The following CACNA1B variants were observed in gnomAD, a reference collection of about 807,000 sequenced individuals.
CACNA1B encodes voltage-dependent N-type calcium channel subunit alpha-1B.
Under a neutral mutation model 247.2 loss-of-function variants are expected in CACNA1B, and 70 were observed. That is an observed-to-expected ratio of 0.28 (90% confidence interval 0.23 to 0.35). CACNA1B has a LOEUF of 0.35. CACNA1B is among the 10% of genes least tolerant of loss of function. The pLI, the probability that CACNA1B is intolerant of heterozygous loss-of-function variation, is 1.00. For missense variants in CACNA1B, 2,367 were observed against 3,197.4 expected (o/e 0.74, Z 6.26); for synonymous variants, 1,231 against 1,294.4 (o/e 0.95, Z 1.05).
rs118183179 is a variant in CACNA1B at position 137,969,029 on chromosome 9, A to G, written c.1334-2354A>G. On this transcript the variant is annotated intron_variant, in intron 10 of 46. Transcript: ENST00000371372. ...CCAGAGATGTTTCCGCGTTTCCTGT[A>G]GACTCTCTGCTTTTACTGGAGCAGA... Among the ~76,000 whole-genome samples the G allele has an allele frequency of 3.1e-4, 47 of 152,350 alleles. No individual in the cohort carries two copies. The East Asian group carries it at 8.9e-3, about 29-fold the overall frequency.
chr9:137,966,741 T>C (rs1213739118), intron 10 of CACNA1B, among the ~76,000 whole-genome samples: 4 of 152,010 alleles, frequency 2.6e-5, no homozygotes, highest in East Asian at 3.9e-4. Context: ...AGTTTCACCA[T>C]GTTAGCCAGG....
chr9:138,036,711 T>C (rs1959051477), intron 20 of CACNA1B, among the ~76,000 whole-genome samples: 1 of 152,186 alleles, frequency 6.6e-6, no homozygotes, highest in African/African-American at 2.4e-5. Flanking sequence ...TTGTGGAAAA[T>C]TGAAACATAC....
rs903608522 is a variant in CACNA1B, at chr9:137,882,024, G to A, written c.391-720G>A. On this transcript the variant is annotated intron_variant, in intron 2 of 46. Transcript: ENST00000371372. This position sits in a 1 kb window ranked among gnomAD's most constrained non-coding sequence, Gnocchi z 4.0. ...CAGCTTCAGGCTCAGACTGTGGCTG[G>A]CTGCCTCCAGGGTCCTCACAGATGT... Among the ~76,000 whole-genome samples the A allele has an allele frequency of 3.3e-5, 5 of 152,242 alleles. No individual in the cohort carries two copies. The highest frequency in any genetic ancestry group is 6.5e-5 in the Admixed American group (1 of 15,286).
Position 137,899,671 on chromosome 9 carries a change from A to G in CACNA1B, c.531-13509A>G, listed in dbSNP as rs1957210197. On this transcript the variant is annotated intron_variant, in intron 3 of 46. Coordinates refer to ENST00000371372, the MANE Select transcript of CACNA1B (RefSeq NM_000718.4). This position sits in a 1 kb window ranked among gnomAD's most constrained non-coding sequence, Gnocchi z 5.0. ...GGCTCTCTCCATGGCAACTGCAAGC[A>G]GGCTTCTGGGTGAGAACCAGTGCCT... is the stretch of plus-strand genomic sequence containing the variant. Among the ~76,000 whole-genome samples, 1 of 152,196 alleles carries G rather than the reference A, an allele frequency of 6.6e-6. No homozygotes were observed. The highest frequency in any genetic ancestry group is 2.4e-5 in the African/African-American group (1 of 41,452).
intron 1 of CACNA1B, among the ~76,000 whole-genome samples, chr9:137,878,771 G>T (rs1956873221): frequency 6.6e-6 from 1 of 152,170 alleles, no homozygotes; most frequent in Non-Finnish European, 1.5e-5. Context: ...CTGGAGTCGG[G>T]CGGAGCCGGG....
In CACNA1B at chr9:138,120,764, G is replaced by A. The variant is rs1341233872; in HGVS notation, c.6372G>A (p.Lys2124=). ...RRQPSSSSSE[K]QRFYSCDRFG... is the part of the protein sequence containing the mutation. ...AGCCCTCATCCTCCTCCTCGGAGAA[G>A]CAGCGCTTCTACTCCTGCGACCGCT... Residue 2124 remains lysine (K), a synonymous_variant, in exon 46 of 47, where the codon AAG becomes AAA. Transcript: ENST00000371372. 25 of 1,550,540 alleles carry A rather than the reference G, an allele frequency of 1.6e-5. No homozygotes were observed. Among genetic ancestry groups the A allele is most frequent in the Non-Finnish European group, 2.0e-5 (23 of 1,147,862 alleles).
At chr9:138,107,218 TTTTATTTATTTATTTA>T (rs56043117) in intron 39 of CACNA1B, among the ~76,000 whole-genome samples, 5 of 135,788 alleles carry the variant, frequency 3.7e-5, no homozygotes, top group East Asian at 2.2e-4. Context: ...AATCATCTTA[TTTTATTTATTTATTTA>T]TTTATTTATT....
chr9:138,067,510 A>G (rs759132035), intron 31 of CACNA1B, among the ~76,000 whole-genome samples: 2 of 152,188 alleles, frequency 1.3e-5, no homozygotes, highest in Non-Finnish European at 2.9e-5. Flanking sequence ...AGACGAGTGG[A>G]TAACATTGTG....
At chr9:138,091,205 AT>A (rs1960867272) in intron 36 of CACNA1B, among the ~76,000 whole-genome samples, 1 of 152,234 alleles carries the variant, frequency 6.6e-6, no homozygotes, top group Non-Finnish European at 1.5e-5. Flanking sequence ...CTATTTAGCC[AT>A]AAAAAGAATG....
rs1959423521 is a variant in CACNA1B, at chr9:138,054,563, T to C, written c.3968+557T>C. 6.6e-6 allele frequency among the ~76,000 whole-genome samples: 1 copy of C among 152,270 alleles called. No homozygotes were observed. The highest frequency in any genetic ancestry group is 1.5e-5 in the Non-Finnish European group (1 of 68,052). ...CACGCGGCAGCGTCCCAGCTGCTTC[T>C]GTGTGAATATCATGCAGCTTCCTCC... On this transcript the variant is annotated intron_variant, in intron 26 of 46. Coordinates refer to ENST00000371372, the MANE Select transcript of CACNA1B (RefSeq NM_000718.4). This position sits in a 1 kb window ranked among gnomAD's most constrained non-coding sequence, Gnocchi z 4.6.
rs1958760474 is a variant in CACNA1B, at chr9:138,014,082, C to T, written c.2267+847C>T. Among the ~76,000 whole-genome samples the T allele has an allele frequency of 6.6e-6, 1 of 152,240 alleles. No individual in the cohort carries two copies. Among genetic ancestry groups the T allele is most frequent in the South Asian group, 2.1e-4 (1 of 4,830 alleles). ...CACGGAACACAGGGCCGGGTGCAGC[C>T]ACAGGTGCATCTGTAGTGACGTGTG... is the stretch of plus-strand genomic sequence containing the variant. On this transcript the variant is annotated intron_variant, in intron 18 of 46. Coordinates refer to ENST00000371372, the MANE Select transcript of CACNA1B (RefSeq NM_000718.4). The surrounding 1 kb of genome is among the most constrained non-coding windows in gnomAD (Gnocchi z 6.2).
In CACNA1B at chr9:138,074,036, G is replaced by A; in HGVS notation, c.4827G>A (p.Leu1609=). 6.2e-7 allele frequency: 1 copy of A among 1,612,832 alleles called. No individual in the cohort carries two copies. The highest frequency in any genetic ancestry group is 8.5e-7 in the Non-Finnish European group (1 of 1,179,808). ...ACGTGTGTCTGCTCATTGCCATGCT[G>A]TTCTTCATCTACGCCATCATCGGCA... ...LPYVCLLIAM[L]FFIYAIIGMQ... The change falls in exon 34 of 47, where the codon CTG becomes CTA. Residue 1609 remains leucine, a synonymous_variant. Transcript: ENST00000371372.
chr9:137,901,065 G>T (rs1957233433), intron 3 of CACNA1B, among the ~76,000 whole-genome samples: 1 of 146,242 alleles, frequency 6.8e-6, no homozygotes, highest in South Asian at 2.2e-4. Context: ...TGTCTGTGCT[G>T]TGTGTCTCTC....
At chr9:137,953,200 T>G (rs1405859681) in intron 7 of CACNA1B, among the ~76,000 whole-genome samples, 1 of 152,212 alleles carries the variant, frequency 6.6e-6, no homozygotes, top group African/African-American at 2.4e-5. Flanking sequence ...TTGGGGCTCC[T>G]GCCCTACCAC....
At chr9:138,103,241 C>A (rs1961313887) in intron 38 of CACNA1B, among the ~76,000 whole-genome samples, 1 of 152,176 alleles carries the variant, frequency 6.6e-6, no homozygotes, top group Non-Finnish European at 1.5e-5. Flanking sequence ...TGGGTCTGGC[C>A]CTGGGGGCAG....
At position 137,917,960 on chromosome 9, in the gene CACNA1B, G is replaced by T. The variant is rs1391481908; in HGVS notation, c.966+529G>T. Among the ~76,000 whole-genome samples the T allele has an allele frequency of 1.3e-5, 2 of 152,248 alleles. No individual in the cohort carries two copies. The highest frequency in any genetic ancestry group is 4.8e-5 in the African/African-American group (2 of 41,472). ...AGTTGAGGGACAGTAGGGCTGCTGG[G>T]CCTCCCGTCCCCAGGCTGCCCGGCG... is the stretch of plus-strand genomic sequence containing the variant. On this transcript the variant is annotated intron_variant, in intron 6 of 46. Coordinates refer to ENST00000371372, the MANE Select transcript of CACNA1B (RefSeq NM_000718.4). This position sits in a 1 kb window ranked among gnomAD's most constrained non-coding sequence, Gnocchi z 5.5.
chr9:137,938,009 C>T (rs1957690098), intron 6 of CACNA1B, among the ~76,000 whole-genome samples: 1 of 140,868 alleles, frequency 7.1e-6, no homozygotes, highest in African/African-American at 2.7e-5. Context: ...GAGCTATGAG[C>T]CAAAAGCACC....
rs1383205718 is a variant in CACNA1B, at chr9:138,072,588, C to T, written c.4675-900C>T. On this transcript the variant is annotated intron_variant, in intron 32 of 46. Coordinates refer to ENST00000371372, the MANE Select transcript of CACNA1B (RefSeq NM_000718.4). The surrounding 1 kb of genome is among the most constrained non-coding windows in gnomAD (Gnocchi z 4.5). ...AAGCTGCTCTCAGGCTGTGTGTGGG[C>T]ACCTGACCTCTAGGTAGACAGAGGG... Among the ~76,000 whole-genome samples, 1 of 152,250 alleles carries T rather than the reference C, an allele frequency of 6.6e-6. No homozygotes were observed. Among genetic ancestry groups the T allele is most frequent in the African/African-American group, 2.4e-5 (1 of 41,470 alleles).
At chr9:137,947,074 A>G (rs898423618) in intron 6 of CACNA1B, among the ~76,000 whole-genome samples, 2 of 151,840 alleles carry the variant, frequency 1.3e-5, no homozygotes, top group African/African-American at 2.4e-5. Context: ...GAATTTAACT[A>G]CTCTCTAGAG....
Sources: allele counts gnomAD v4.1 joint callset (sites outside exome capture counted in the v4.1 genomes callset), GRCh38; gene constraint gnomAD v4.1.1; non-coding constraint Gnocchi (gnomAD v3.1); transcripts MANE v1.5; gene names NCBI Gene and HGNC (gene_info 2026-07-23, HGNC 2026-07-21).